Variants in CSMD1 observed in about 807,000 individuals in gnomAD.
CSMD1 encodes the protein CUB and Sushi multiple domains 1.
Under a neutral mutation model 417.5 loss-of-function variants are expected in CSMD1, and 213 were observed. The ratio of observed to expected loss-of-function variants is 0.51; its 90% CI spans 0.46 to 0.57. CSMD1 has a LOEUF of 0.57. Among genes scored for constraint, CSMD1 ranks in the 20% least tolerant of loss-of-function variants. CSMD1 has a pLI of 0.00. For missense variants in CSMD1, 6,923 were observed against 4,529.7 expected (o/e 1.53, Z -15.17); for synonymous variants, 2,862 against 1,736.8 (o/e 1.65, Z -16.11).
intron 3 of CSMD1, among the ~76,000 whole-genome samples, chr8:4,255,429 T>G (rs1394322451): frequency 6.6e-6 from 1 of 152,254 alleles, no homozygotes; most frequent in Non-Finnish European, 1.5e-5. Context: ...AATTGCTGTT[T>G]TCTCACTTAC....
chr8:3,914,608 C>A (rs950879076), intron 5 of CSMD1, among the ~76,000 whole-genome samples: 1 of 152,274 alleles, frequency 6.6e-6, no homozygotes, highest in East Asian at 1.9e-4. Context: ...ATAGTACCAG[C>A]TAGCATTAAA....
intron 3 of CSMD1, among the ~76,000 whole-genome samples, chr8:4,196,105 G>C (rs1799325485): frequency 6.6e-6 from 1 of 152,100 alleles, no homozygotes; most frequent in Non-Finnish European, 1.5e-5. Context: ...CAGCTGCTGG[G>C]GAGACTGAGG....
chr8:4,252,092 AG>A (rs2128831881), intron 3 of CSMD1, among the ~76,000 whole-genome samples: 1 of 152,320 alleles, frequency 6.6e-6, no homozygotes, highest in African/African-American at 2.4e-5. Context: ...TGATGAACAA[AG>A]AAACAGTACA....
intron 3 of CSMD1, among the ~76,000 whole-genome samples, chr8:4,072,141 G>A (rs1185330219): frequency 1.3e-5 from 2 of 152,196 alleles, no homozygotes; most frequent in South Asian, 2.1e-4. Flanking sequence ...TTCGGAATCT[G>A]CCTGTTTCTT....
At chr8:4,144,124 T>C (rs1410415933) in intron 3 of CSMD1, among the ~76,000 whole-genome samples, 3 of 151,154 alleles carry the variant, frequency 2.0e-5, no homozygotes, top group Admixed American at 6.6e-5. Context: ...TTAGGTTCCC[T>C]GCCCCCAGAC....
In CSMD1 at chr8:4,493,317, T is replaced by A. The variant is rs186372609; in HGVS notation, c.303-73252A>T. Among the ~76,000 whole-genome samples the A allele has an allele frequency of 5.2e-4, 79 of 152,270 alleles. 1 individual carries two copies. Among genetic ancestry groups the A allele is most frequent in the East Asian group, 2.3e-3 (12 of 5,176 alleles). Reference sequence around the variant, plus strand: ...TCCTAAGAGAGAGAGAGTTTGTGCGTGTGTGTGTATGTTCACTCTTAACTA... The same window carrying A: ...TCCTAAGAGAGAGAGAGTTTGTGCGAGTGTGTGTATGTTCACTCTTAACTA... On this transcript the variant is annotated intron_variant, in intron 2 of 69. Coordinates refer to ENST00000635120, the MANE Select transcript of CSMD1 (RefSeq NM_033225.6).
chr8:3,676,582 C>T (rs1024856400), intron 7 of CSMD1, among the ~76,000 whole-genome samples: 16 of 152,254 alleles, frequency 1.1e-4, no homozygotes, highest in African/African-American at 2.9e-4. Context: ...ATCATATACA[C>T]GGATATATGG....
chr8:4,234,763 A>G (rs1585070328), intron 3 of CSMD1, among the ~76,000 whole-genome samples: 1 of 152,106 alleles, frequency 6.6e-6, no homozygotes, highest in African/African-American at 2.4e-5. Context: ...CTCCCAGAAC[A>G]AAAGATCTGG....
chr8:4,261,128 G>C (rs143379943), intron 3 of CSMD1, among the ~76,000 whole-genome samples: 1 of 152,222 alleles, frequency 6.6e-6, no homozygotes, highest in African/African-American at 2.4e-5. Context: ...GTGTTTGTTA[G>C]ACTCTTTTTT....
chr8:4,753,201 G>A (rs554236337), intron 1 of CSMD1, among the ~76,000 whole-genome samples: 1 of 152,118 alleles, frequency 6.6e-6, no homozygotes, highest in African/African-American at 2.4e-5. Flanking sequence ...AGTAAGGCCC[G>A]GGTCCCCATG....
chr8:4,521,632 T>G (rs534003659), intron 2 of CSMD1, among the ~76,000 whole-genome samples: 11 of 152,244 alleles, frequency 7.2e-5, no homozygotes, highest in African/African-American at 2.4e-4. Flanking sequence ...CAAGGTAACT[T>G]TATGGTAGAA....
intron 1 of CSMD1, among the ~76,000 whole-genome samples, chr8:4,878,725 C>A (rs1290972384): frequency 6.6e-6 from 1 of 151,830 alleles, no homozygotes; most frequent in Non-Finnish European, 1.5e-5. Flanking sequence ...TGGCACCCAG[C>A]AGTATCTTTT....
chr8:3,298,832 T>C (rs77628534), intron 25 of CSMD1, among the ~76,000 whole-genome samples: 3,343 of 152,254 alleles, frequency 0.022, 117 homozygotes, highest in African/African-American at 0.075. Flanking sequence ...AAGAGACAAT[T>C]TGAATAGAGC....
At chr8:4,967,170 A>T (rs1809924259) in intron 1 of CSMD1, among the ~76,000 whole-genome samples, 1 of 152,182 alleles carries the variant, frequency 6.6e-6, no homozygotes, top group South Asian at 2.1e-4. Flanking sequence ...AAATAATTTT[A>T]AACACTATGA....
chr8:3,210,865 T>C (rs1342783811), intron 30 of CSMD1, among the ~76,000 whole-genome samples: 1 of 152,050 alleles, frequency 6.6e-6, no homozygotes, highest in African/African-American at 2.4e-5. Context: ...TTTTGTATTA[T>C]TAGTTAACAA....
At chr8:3,809,487 T>C (rs962485395) in intron 5 of CSMD1, among the ~76,000 whole-genome samples, 1 of 152,180 alleles carries the variant, frequency 6.6e-6, no homozygotes, top group South Asian at 2.1e-4. Flanking sequence ...GGCTGCGTGA[T>C]CCTTCAGTTT....
At chr8:4,327,874 C>T (rs757127309) in intron 3 of CSMD1, among the ~76,000 whole-genome samples, 1 of 152,104 alleles carries the variant, frequency 6.6e-6, no homozygotes, top group African/African-American at 2.4e-5. Context: ...AAACAAAAAA[C>T]TTTAAAATCT....
At chr8:3,672,652 T>C (rs1301315677) in intron 7 of CSMD1, among the ~76,000 whole-genome samples, 3 of 152,216 alleles carry the variant, frequency 2.0e-5, no homozygotes, top group South Asian at 2.1e-4. Flanking sequence ...GAGTATGACA[T>C]GGTGCAGTGT....
chr8:3,395,214 A>G (rs1456595434), intron 17 of CSMD1, among the ~76,000 whole-genome samples: 2 of 152,238 alleles, frequency 1.3e-5, no homozygotes, highest in African/African-American at 4.8e-5. Context: ...ACATCTTTAC[A>G]ATAGTACTTG....
Sources: allele counts gnomAD v4.1 joint callset (sites outside exome capture counted in the v4.1 genomes callset), GRCh38; gene constraint gnomAD v4.1.1; transcripts MANE v1.5; gene names NCBI Gene and HGNC (gene_info 2026-07-23, HGNC 2026-07-21).